The following DOK6 variants were observed in gnomAD, a reference collection of about 807,000 sequenced individuals.
DOK6 encodes the protein downstream of tyrosine kinase 6.
A neutral mutation model predicts 44.0 loss-of-function variants in DOK6; 22 were observed. That is an observed-to-expected ratio of 0.50 (90% CI 0.36 to 0.71). DOK6 has a LOEUF of 0.71. Ranked by LOEUF, DOK6 falls within the 30% of genes least tolerant of loss-of-function variation. The pLI is 0.00. For missense variants in DOK6, 340 were observed against 416.4 expected, an observed-to-expected ratio of 0.82 and a Z score of 1.60; for synonymous variants, 166 against 145.5, an observed-to-expected ratio of 1.14 and a Z score of -1.01.
chr18:69,546,626 A>T (rs543334602), intron 1 of DOK6, among the ~76,000 whole-genome samples: 1 of 151,774 alleles, frequency 6.6e-6, no homozygotes, highest in Admixed American at 6.6e-5. Flanking sequence ...TTTGCCTTTT[A>T]TCACTATGGA....
intron 1 of DOK6, among the ~76,000 whole-genome samples, chr18:69,411,140 G>A (rs1978304287): frequency 6.6e-6 from 1 of 152,126 alleles, no homozygotes. Context: ...CCATCAAGCT[G>A]ACAAGTCGTG....
At chr18:69,756,836 A>G (rs1424505669) in intron 6 of DOK6, among the ~76,000 whole-genome samples, 5 of 152,230 alleles carry the variant, frequency 3.3e-5, no homozygotes, top group African/African-American at 1.2e-4. Flanking sequence ...CAGTTTTGCC[A>G]GGAGTCAGGC....
At chr18:69,526,948 A>G (rs2144569351) in intron 1 of DOK6, among the ~76,000 whole-genome samples, 1 of 152,316 alleles carries the variant, frequency 6.6e-6, no homozygotes, top group South Asian at 2.1e-4. Flanking sequence ...TTATTATCAC[A>G]TGGATCATTC....
chr18:69,572,275 G>A lies in DOK6; in HGVS notation c.174+7681G>A, dbSNP rs112478696. 9.6e-3 allele frequency among the ~76,000 whole-genome samples: 1,453 copies of A among 152,146 alleles called. 17 individuals are homozygous for A. Among genetic ancestry groups the A allele is most frequent in the African/African-American group, 0.032 (1,347 of 41,538 alleles). On this transcript the variant is annotated intron_variant, in intron 2 of 7. Transcript: ENST00000382713. ...AGGACTTACTTATGAATTAAGTGTC[G>A]GGTGTGAATGAAAGGTAGAACTCAT...
intron 5 of DOK6, among the ~76,000 whole-genome samples, chr18:69,737,121 A>T (rs1308125861): frequency 4.6e-5 from 7 of 152,206 alleles, no homozygotes; most frequent in Admixed American, 4.6e-4. Flanking sequence ...CCCCAAAAGA[A>T]CACATTTTAA....
chr18:69,617,230 G>C (rs1254860431), intron 3 of DOK6, among the ~76,000 whole-genome samples: 1 of 152,068 alleles, frequency 6.6e-6, no homozygotes, highest in Non-Finnish European at 1.5e-5. Flanking sequence ...CAAGGTGGGA[G>C]GATAGAGTGA....
intron 6 of DOK6, among the ~76,000 whole-genome samples, chr18:69,749,039 G>A (rs1332903024): frequency 6.6e-6 from 1 of 152,050 alleles, no homozygotes; most frequent in East Asian, 1.9e-4. Flanking sequence ...ATTATCCCCA[G>A]CAAACTAATG....
At chr18:69,647,260 T>C (rs1431244970) in intron 3 of DOK6, 1 of 152,174 alleles carries the variant, frequency 6.6e-6, no homozygotes, top group Non-Finnish European at 1.5e-5. Flanking sequence ...TTTTTTCTTA[T>C]GTACTTGTAA....
At chr18:69,776,040 C>G (rs1021627009) in intron 7 of DOK6, among the ~76,000 whole-genome samples, 2 of 151,994 alleles carry the variant, frequency 1.3e-5, no homozygotes, top group Non-Finnish European at 2.9e-5. Flanking sequence ...TAGGTCAGTA[C>G]TGTTAAATAA....
At chr18:69,841,165 AATAGATAGATG>A (rs1468769502) in intron 7 of DOK6, 68 bp from the exon 8 acceptor site, 3 of 1,549,278 alleles carry the variant, frequency 1.9e-6, no homozygotes, top group Non-Finnish European at 8.8e-7. Flanking sequence ...ATAGATAGAT[AATAGATAGATG>A]ATAGATAGTG....
intron 7 of DOK6, among the ~76,000 whole-genome samples, chr18:69,782,912 T>G (rs920981023): frequency 6.6e-6 from 1 of 152,236 alleles, no homozygotes; most frequent in Non-Finnish European, 1.5e-5. Context: ...CTCTGTGGGT[T>G]CCAGATTCTC....
chr18:69,716,196 GCAGGGCCACAGTGAGA>G (rs149049874), intron 5 of DOK6, among the ~76,000 whole-genome samples: 13,409 of 152,142 alleles, frequency 0.088, 763 homozygotes, highest in Non-Finnish European at 0.13. Flanking sequence ...CCCAGATAAA[GCAGGGCCACAGTGAGA>G]CAGTATTCTT....
At chr18:69,446,125 T>C (rs2122449893) in intron 1 of DOK6, among the ~76,000 whole-genome samples, 1 of 152,224 alleles carries the variant, frequency 6.6e-6, no homozygotes, top group East Asian at 1.9e-4. Context: ...GTTACATATG[T>C]ATACTTGTGC....
At position 69,431,999 on chromosome 18, in the gene DOK6, ACTG is replaced by A. The variant is rs113933519; in HGVS notation, c.66+30691_66+30693del. ...ACATTTAAACATCATACTTTAAAAA[ACTG>A]CAGCTTAACCATAGGAACTGATGTT... On this transcript the variant is annotated intron_variant, in intron 1 of 7. Transcript: ENST00000382713. Among the ~76,000 whole-genome samples the A allele has an allele frequency of 4.9e-3, 735 of 150,840 alleles. 14 individuals are homozygous for A. The highest frequency in any genetic ancestry group is 0.017 in the African/African-American group (689 of 40,902).
intron 7 of DOK6, among the ~76,000 whole-genome samples, chr18:69,774,446 T>G (rs1979999990): frequency 6.6e-6 from 1 of 151,646 alleles, no homozygotes; most frequent in Non-Finnish European, 1.5e-5. Context: ...ATCTCACAAA[T>G]CACCACTAAA....
Position 69,405,730 on chromosome 18 carries a change from A to G in DOK6, c.66+4420A>G, listed in dbSNP as rs148024708. On this transcript the variant is annotated intron_variant, in intron 1 of 7. Transcript: ENST00000382713. ...AAAAACTAGTTTGTAAAGAGAGATT[A>G]TATCTTGCATGGCATGCATTACCAA... 1.8e-3 allele frequency among the ~76,000 whole-genome samples: 268 copies of G among 152,360 alleles called. 1 individual carries two copies. The highest frequency in any genetic ancestry group is 5.9e-3 in the African/African-American group (246 of 41,592).
chr18:69,450,529 G>A (rs1454356666), intron 1 of DOK6, among the ~76,000 whole-genome samples: 5 of 133,024 alleles, frequency 3.8e-5, no homozygotes, highest in Admixed American at 1.6e-4. Flanking sequence ...AGCAAGGCAG[G>A]CCAACGTTCA....
chr18:69,529,065 T>C (rs1362870425), intron 1 of DOK6, among the ~76,000 whole-genome samples: 1 of 152,234 alleles, frequency 6.6e-6, no homozygotes, highest in Non-Finnish European at 1.5e-5. Context: ...CCTTTCTCTT[T>C]GTGTGTGTGT....
intron 3 of DOK6, among the ~76,000 whole-genome samples, chr18:69,627,757 CTAAACT>C (rs1272942317): frequency 6.6e-6 from 1 of 152,102 alleles, no homozygotes; most frequent in Admixed American, 6.5e-5. Flanking sequence ...CCTCACCTTC[CTAAACT>C]TTTCTATGGT....
Sources: gnomAD v4.1 joint callset for allele counts (sites outside exome capture counted in the v4.1 genomes callset) on GRCh38, gnomAD v4.1.1 for gene constraint, MANE v1.5 for transcripts, NCBI Gene and HGNC (gene_info 2026-07-23, HGNC 2026-07-21) for gene names.